Variants in ZDHHC21 observed in about 807,000 individuals in gnomAD.
The protein encoded by ZDHHC21 is zDHHC palmitoyltransferase 21, also known as palmitoyltransferase ZDHHC21.
Under a neutral mutation model 34.6 loss-of-function variants are expected in ZDHHC21, and 15 were observed. That is an observed-to-expected ratio of 0.43 (90% CI 0.29 to 0.67). ZDHHC21 has a LOEUF of 0.67. Among genes scored for constraint, ZDHHC21 ranks in the 30% least tolerant of loss-of-function variants. ZDHHC21 has a pLI of 0.14. For synonymous variants in ZDHHC21, 142 were observed against 101.8 expected, an observed-to-expected ratio of 1.40 and a Z score of -2.38; for missense variants, 344 against 327.7, an observed-to-expected ratio of 1.05 and a Z score of -0.38.
In ZDHHC21 at chr9:14,674,392, A is replaced by G. The variant is rs757912428; in HGVS notation, c.-45-7T>C. On this transcript the variant is annotated splice_polypyrimidine_tract_variant and splice_region_variant and intron_variant, in intron 3 of 9. Coordinates refer to ENST00000380916, the MANE Select transcript of ZDHHC21 (RefSeq NM_178566.6). Reference sequence around the variant, plus strand: ...CCCACAAGGAAGGATGATCCTAAGGAGAAGGAACAAAGAAAATAATTACTT... The same window carrying G: ...CCCACAAGGAAGGATGATCCTAAGGGGAAGGAACAAAGAAAATAATTACTT... 2 of 1,509,098 alleles carry G rather than the reference A, an allele frequency of 1.3e-6. No individual in the cohort carries two copies. Among genetic ancestry groups the G allele is most frequent in the South Asian group, 1.4e-5 (1 of 73,470 alleles). The allele number at this position is 1,509,098 out of a possible 1,614,324, so 93.5% of individuals were successfully genotyped here. A position where few individuals can be genotyped will look rare whatever the true frequency, so the allele number is the denominator to read the frequency against.
At chr9:14,646,516 G>A (rs1340979548) in intron 7 of ZDHHC21, among the ~76,000 whole-genome samples, 2 of 152,080 alleles carry the variant, frequency 1.3e-5, no homozygotes, top group African/African-American at 4.8e-5. Context: ...AAGGATGTGA[G>A]AGACAGGAAA....
rs114531963 is a variant in ZDHHC21 at position 14,630,187 on chromosome 9, A to T, written c.621+9709T>A. ...GACTTCGTTAAAAAATGTGGAGTCA[A>T]TCCTCTCAAACACTGCCACTGCTTT... On this transcript the variant is annotated intron_variant, in intron 8 of 9. Transcript: ENST00000380916. 9.3e-3 allele frequency among the ~76,000 whole-genome samples: 1,411 copies of T among 152,320 alleles called. 19 individuals carry two copies. The highest frequency in any genetic ancestry group is 0.031 in the African/African-American group (1,294 of 41,568).
the ZDHHC21 span, among the ~76,000 whole-genome samples, chr9:14,604,365 T>A: frequency 6.6e-6 from 1 of 152,182 alleles, no homozygotes; most frequent in South Asian, 2.1e-4. Context: ...TCTACATTAA[T>A]AAAGATGTTT....
At chr9:14,683,214 A>C (rs1837689997) in intron 2 of ZDHHC21, among the ~76,000 whole-genome samples, 1 of 152,186 alleles carries the variant, frequency 6.6e-6, no homozygotes, top group African/African-American at 2.4e-5. Context: ...ATAGAGAGAC[A>C]AAAAACCCTT....
rs1387208213 is a variant in ZDHHC21, at chr9:14,614,273, G to C, written c.*4693C>G. ...ACATAATAATAGTAAAAAATATAAT[G>C]ATAATGGAAAGTATCAGTAATATCA... On this transcript the variant is annotated 3_prime_UTR_variant, in exon 10 of 10. Coordinates refer to ENST00000380916, the MANE Select transcript of ZDHHC21 (RefSeq NM_178566.6). 2 of 146,208 alleles carry C rather than the reference G, an allele frequency of 1.4e-5. No homozygotes were observed. The highest frequency in any genetic ancestry group is 5.0e-5 in the African/African-American group (2 of 39,660). 9.1% of individuals were successfully genotyped at this position (146,208 alleles called of 1,614,324 possible).
intron 6 of ZDHHC21, 94 bp from the exon 7 acceptor site, chr9:14,658,981 A>T (rs2133913275): frequency 7.8e-7 from 1 of 1,276,812 alleles, no homozygotes; most frequent in African/African-American, 1.5e-5. Context: ...ATAATATCAC[A>T]TATGCTTAAC....
At chr9:14,607,992 G>A (rs996980663), downstream of ZDHHC21, among the ~76,000 whole-genome samples, 7 of 152,264 alleles carry the variant, frequency 4.6e-5, no homozygotes, top group East Asian at 1.2e-3. Context: ...GTACTTTTCC[G>A]TGATGAGAAT....
At chr9:14,621,431 A>G (rs1237368804) in intron 8 of ZDHHC21, among the ~76,000 whole-genome samples, 1 of 152,118 alleles carries the variant, frequency 6.6e-6, no homozygotes, top group Non-Finnish European at 1.5e-5. Flanking sequence ...TTCATACAGA[A>G]AAAGCTTTTA....
At chr9:14,659,868 G>A (rs1295255910) in intron 6 of ZDHHC21, among the ~76,000 whole-genome samples, 1 of 152,128 alleles carries the variant, frequency 6.6e-6, no homozygotes, top group Non-Finnish European at 1.5e-5. Context: ...AGAGAAGTGT[G>A]CTTATGTATT....
chr9:14,687,706 T>C lies in ZDHHC21; in HGVS notation c.-176+2631A>G, dbSNP rs145260595. On this transcript the variant is annotated intron_variant, in intron 2 of 9. Transcript: ENST00000380916. ...AAAACAAAACAAAACAAAAGTAACG[T>C]TGGGCCTAAACATTCAAAAAATTGG... Among the ~76,000 whole-genome samples the C allele has an allele frequency of 4.6e-5, 7 of 150,840 alleles. 2 individuals are homozygous for C. Among genetic ancestry groups the C allele is most frequent in the African/African-American group, 1.5e-4 (6 of 40,188 alleles).
chr9:14,679,725 G>A (rs1837042196), intron 3 of ZDHHC21, among the ~76,000 whole-genome samples: 1 of 151,970 alleles, frequency 6.6e-6, no homozygotes, highest in Non-Finnish European at 1.5e-5. Flanking sequence ...TATCCTTATA[G>A]TAAATGCTTT....
chr9:14,612,881 C>T lies in ZDHHC21; in HGVS notation c.*6085G>A, dbSNP rs1465842693. On this transcript the variant is annotated 3_prime_UTR_variant, in exon 10 of 10. Transcript: ENST00000380916. ...ACACACACACACACACACACACACACGCTGAACTCGATTTGTAATGAGAAC... is the reference window on the plus strand; with the variant it reads ...ACACACACACACACACACACACACATGCTGAACTCGATTTGTAATGAGAAC... The T allele has an allele frequency of 4.8e-5, 4 of 82,574 alleles. No individual in the cohort carries two copies. The highest frequency in any genetic ancestry group is 3.8e-4 in the Admixed American group (3 of 7,810). The allele number at this position is 82,574 out of a possible 1,614,324, so 5.1% of individuals were successfully genotyped here.
chr9:14,674,345 C>T lies in ZDHHC21; in HGVS notation c.-5G>A. 1.3e-6 allele frequency: 2 copies of T among 1,591,776 alleles called. No individual in the cohort carries two copies. The highest frequency in any genetic ancestry group is 1.4e-5 in the African/African-American group (1 of 73,466). ...AAAGTGAATCCGGAGACCCATTTTG[C>T]AATCTTATAACTGCCTGCTAACCCA... On this transcript the variant is annotated 5_prime_UTR_variant, in exon 4 of 10. Transcript: ENST00000380916.
chr9:14,669,503 G>A (rs1380723545), intron 5 of ZDHHC21, among the ~76,000 whole-genome samples: 1 of 151,454 alleles, frequency 6.6e-6, no homozygotes, highest in Non-Finnish European at 1.5e-5. Context: ...CCATTACTGG[G>A]TATATACCCA....
chr9:14,641,394 T>A (rs1174278067), intron 7 of ZDHHC21, among the ~76,000 whole-genome samples: 3 of 152,146 alleles, frequency 2.0e-5, no homozygotes, highest in Non-Finnish European at 4.4e-5. Flanking sequence ...GTGGATGACA[T>A]AAAAAATTAA....
chr9:14,649,123 A>G (rs970441472), intron 7 of ZDHHC21, among the ~76,000 whole-genome samples: 1 of 151,996 alleles, frequency 6.6e-6, no homozygotes, highest in Non-Finnish European at 1.5e-5. Context: ...AACCAAAAAC[A>G]TCTCCAGACA....
chr9:14,684,801 T>C (rs1838015138), intron 2 of ZDHHC21, among the ~76,000 whole-genome samples: 1 of 152,134 alleles, frequency 6.6e-6, no homozygotes, highest in African/African-American at 2.4e-5. Context: ...GACTTCAAAC[T>C]ACACTACAAG....
chr9:14,688,561 T>TA (rs899642452), intron 2 of ZDHHC21, among the ~76,000 whole-genome samples: 1 of 144,240 alleles, frequency 6.9e-6, no homozygotes, highest in East Asian at 1.9e-4. Context: ...AGCCACTAGT[T>TA]AAAAAACAAA....
the ZDHHC21 span, among the ~76,000 whole-genome samples, chr9:14,593,115 G>A: frequency 9.9e-5 from 15 of 151,616 alleles, no homozygotes; most frequent in Non-Finnish European, 1.8e-4. Flanking sequence ...CTCAAAGCAA[G>A]TAGAAAAAAA....
Sources: gnomAD v4.1 joint callset for allele counts (sites outside exome capture counted in the v4.1 genomes callset) on GRCh38, gnomAD v4.1.1 for gene constraint, MANE v1.5 for transcripts, NCBI Gene and HGNC (gene_info 2026-07-23, HGNC 2026-07-21) for gene names.